The following CENPI variants were observed in gnomAD, a reference collection of about 807,000 sequenced individuals.
CENPI encodes the protein FSH primary response 1.
Under a neutral mutation model 60.4 loss-of-function variants are expected in CENPI, and 4 were observed. That is an observed-to-expected ratio of 0.07 (90% CI 0.03 to 0.15). The LOEUF is 0.15. Ranked by LOEUF, CENPI falls within the 10% of genes least tolerant of loss-of-function variation. CENPI has a pLI of 1.00. For synonymous variants in CENPI, 157 were observed against 189.4 expected (o/e 0.83, Z 1.40); for missense variants, 444 against 534.5 (o/e 0.83, Z 1.67).
At chrX:101,125,294 A>G (rs1342556723) in intron 8 of CENPI, among the ~76,000 whole-genome samples, 4 of 111,717 alleles carry the variant, frequency 3.6e-5, no homozygotes, top group South Asian at 7.5e-4. Flanking sequence ...CTATTTGACC[A>G]TCTTCATTCT....
At chrX:101,170,547 A>G (rs1481011123), downstream of CENPI, among the ~76,000 whole-genome samples, 3 of 112,359 alleles carry the variant, frequency 2.7e-5, no homozygotes, top group Non-Finnish European at 5.6e-5. Context: ...AATCTAATAA[A>G]TGCAAATATA....
intron 6 of CENPI, among the ~76,000 whole-genome samples, chrX:101,117,275 A>G (rs1327380224): frequency 6.3e-5 from 7 of 111,694 alleles, no homozygotes; most frequent in Admixed American, 4.8e-4. Context: ...ATCTTGGCTC[A>G]TCGCAACCTC....
chrX:101,114,931 A>G (rs2089601640), intron 6 of CENPI, among the ~76,000 whole-genome samples: 2 of 102,434 alleles, frequency 2.0e-5, no homozygotes, highest in Admixed American at 2.2e-4. Flanking sequence ...ATGAGCCACT[A>G]CGCCTGGTGT....
chrX:101,176,823 T>C, the CENPI span, among the ~76,000 whole-genome samples: 3 of 113,127 alleles, frequency 2.7e-5, no homozygotes, highest in South Asian at 7.2e-4. Flanking sequence ...GTCTTAGCCA[T>C]AAGTTCTTTG....
chrX:101,110,232 G>GT (rs2089539424), intron 6 of CENPI, among the ~76,000 whole-genome samples: 1 of 111,848 alleles, frequency 8.9e-6, no homozygotes, highest in African/African-American at 3.2e-5. Context: ...AATTTTTATC[G>GT]TATTTACTTT....
intron 20 of CENPI, among the ~76,000 whole-genome samples, chrX:101,151,551 C>G (rs10283955): frequency 0.32 from 35,178 of 110,582 alleles, 4,570 homozygotes; most frequent in African/African-American, 0.48. Flanking sequence ...ATGATGAAGC[C>G]AGGCACGGGG....
chrX:101,148,371 A>C (rs2089979668), intron 20 of CENPI, among the ~76,000 whole-genome samples: 1 of 111,744 alleles, frequency 8.9e-6, no homozygotes, highest in Admixed American at 9.6e-5. Flanking sequence ...TGAGCTTGTA[A>C]CAGAGACAGA....
chrX:101,150,567 G>A (rs1397261522), intron 20 of CENPI, among the ~76,000 whole-genome samples: 1 of 110,029 alleles, frequency 9.1e-6, no homozygotes, highest in Non-Finnish European at 1.9e-5. Flanking sequence ...ATGGAGTTTC[G>A]CCATGTTGTC....
chrX:101,180,614 T>C, the CENPI span, among the ~76,000 whole-genome samples: 9 of 112,356 alleles, frequency 8.0e-5, no homozygotes, highest in African/African-American at 2.9e-4. Context: ...TGAAGTCCAA[T>C]TAATTTTTTT....
At chrX:101,149,389 G>A (rs751678231) in intron 20 of CENPI, among the ~76,000 whole-genome samples, 52 of 111,540 alleles carry the variant, frequency 4.7e-4, no homozygotes, top group South Asian at 7.5e-4. Flanking sequence ...GCTTTGGGCC[G>A]TGGTTGGCTG....
At chrX:101,131,563 G>C in intron 13 of CENPI, among the ~76,000 whole-genome samples, 1 of 111,604 alleles carries the variant, frequency 9.0e-6, no homozygotes, top group Admixed American at 9.6e-5. Flanking sequence ...AATGAGATTT[G>C]AGCTAGAGAT....
At chrX:101,139,085 G>C (rs982791727) in intron 15 of CENPI, among the ~76,000 whole-genome samples, 2 of 84,218 alleles carry the variant, frequency 2.4e-5, no homozygotes, top group Admixed American at 1.3e-4. Context: ...CACCGCGCCC[G>C]ACCTTTTTTT....
chrX:101,158,143 G>C (rs190042101), intron 20 of CENPI, among the ~76,000 whole-genome samples: 2 of 111,325 alleles, frequency 1.8e-5, no homozygotes, highest in African/African-American at 6.5e-5. Flanking sequence ...TCATTATTTT[G>C]TATGGTTGAA....
chrX:101,172,316 A>G, the CENPI span, among the ~76,000 whole-genome samples: 1 of 112,014 alleles, frequency 8.9e-6, no homozygotes, highest in Non-Finnish European at 1.9e-5. Context: ...CCCCAAGAGA[A>G]ATGAAAATAT....
chrX:101,153,151 T>C (rs2090022918), intron 20 of CENPI, among the ~76,000 whole-genome samples: 1 of 111,031 alleles, frequency 9.0e-6, no homozygotes, highest in Non-Finnish European at 1.9e-5. Context: ...TGGTATTTCA[T>C]TGTGGTATTG....
intron 20 of CENPI, among the ~76,000 whole-genome samples, chrX:101,157,908 C>G (rs2090068609): frequency 9.0e-6 from 1 of 110,994 alleles, no homozygotes; most frequent in African/African-American, 3.3e-5. Flanking sequence ...TTCCGTCTAT[C>G]TGACTGTATT....
chrX:101,175,624 A>G, the CENPI span, among the ~76,000 whole-genome samples: 2 of 111,970 alleles, frequency 1.8e-5, no homozygotes, highest in Non-Finnish European at 3.8e-5. Context: ...TAGAGGTTGG[A>G]CAGTAATTGA....
chrX:101,176,551 C>T, the CENPI span, among the ~76,000 whole-genome samples: 6 of 111,677 alleles, frequency 5.4e-5, no homozygotes, highest in East Asian at 1.7e-3. Flanking sequence ...ATTCATATAC[C>T]TATTGGGAAA....
At chrX:101,119,216 G>T (rs973851572) in intron 6 of CENPI, among the ~76,000 whole-genome samples, 1 of 111,876 alleles carries the variant, frequency 8.9e-6, no homozygotes, top group African/African-American at 3.2e-5. Context: ...CTAAATTCAT[G>T]CTTCTTAAAA....
Sources: allele counts gnomAD v4.1 joint callset (sites outside exome capture counted in the v4.1 genomes callset), GRCh38; gene constraint gnomAD v4.1.1; transcripts MANE v1.5; gene names NCBI Gene and HGNC (gene_info 2026-07-23, HGNC 2026-07-21).